The following ZNF107 variants were observed in gnomAD, a reference collection of about 807,000 sequenced individuals.
ZNF107 encodes zinc finger protein 107.
A neutral mutation model predicts 12.3 loss-of-function variants in ZNF107; 19 were observed. That is an observed-to-expected ratio of 1.55 (90% CI 1.08 to 2.27). The LOEUF (loss-of-function observed/expected upper bound fraction) is 2.27, where lower values mean the gene tolerates loss of function less well. ZNF107 is among the 30% of genes most tolerant of loss of function. The pLI is 0.00. For missense variants in ZNF107, 958 were observed against 979.9 expected (o/e 0.98, Z 0.30); for synonymous variants, 317 against 330.5 (o/e 0.96, Z 0.44).
chr7:64,691,857 T>TA lies in ZNF107; in HGVS notation c.131-4dup, dbSNP rs1451425310. 7.2e-7 allele frequency: 1 copy of TA among 1,395,338 alleles called. No individual in the cohort carries two copies. The highest frequency in any genetic ancestry group is 9.3e-7 in the Non-Finnish European group (1 of 1,070,550). The allele number at this position is 1,395,338 out of a possible 1,614,324, so 86.4% of individuals were successfully genotyped here. ...ATTCATGTTATATATTTATTTTCAA[T>TA]AAAACAGGTATTGCTGTCTCTAAGC... On this transcript the variant is annotated splice_polypyrimidine_tract_variant and splice_region_variant and intron_variant, in intron 2 of 3. Transcript: ENST00000620827.
In ZNF107 at chr7:64,708,047, A is replaced by G. The variant is rs1790740551; in HGVS notation, c.1950A>G (p.Lys650=). The change falls in exon 4 of 4, where the codon AAA becomes AAG. Residue 650 remains lysine, a synonymous_variant. Coordinates refer to ENST00000620827, the MANE Select transcript of ZNF107 (RefSeq NM_001282359.2). Reference sequence around the variant, plus strand: ...TTCATACTGGAGAGAACCTCTACAAATTTGAAGAACATGGAAAAGCTTTTA... The same window carrying G: ...TTCATACTGGAGAGAACCTCTACAAGTTTGAAGAACATGGAAAAGCTTTTA... ...KIIHTGENLY[K]FEEHGKAFNL... 2 of 1,613,614 alleles carry G rather than the reference A, an allele frequency of 1.2e-6. No homozygotes were observed. The highest frequency in any genetic ancestry group is 1.7e-6 in the Non-Finnish European group (2 of 1,179,722).
At chr7:64,667,936 T>C (rs1397874973) in intron 1 of ZNF107, among the ~76,000 whole-genome samples, 1 of 119,468 alleles carries the variant, frequency 8.4e-6, no homozygotes, top group Non-Finnish European at 1.7e-5. Flanking sequence ...AAAGAAAAAA[T>C]AGTATTCCAG....
intron 1 of ZNF107, among the ~76,000 whole-genome samples, chr7:64,680,890 A>G (rs897536439): frequency 6.6e-6 from 1 of 152,196 alleles, no homozygotes; most frequent in African/African-American, 2.4e-5. Flanking sequence ...AGCCACACCA[A>G]TGGCCTGTAG....
At chr7:64,703,980 C>A (rs745785199) in intron 3 of ZNF107, among the ~76,000 whole-genome samples, 3 of 151,482 alleles carry the variant, frequency 2.0e-5, no homozygotes, top group Non-Finnish European at 4.4e-5. Context: ...TTACATAAAA[C>A]CTCTACAAGA....
chr7:64,684,760 T>C, intron 1 of ZNF107: 1 of 978,596 alleles, frequency 1.0e-6, no homozygotes, highest in Non-Finnish European at 1.2e-6. Context: ...GTATAACTTC[T>C]TCCCAGATGA....
In ZNF107 at chr7:64,710,116, A is replaced by T. The variant is rs1376274144; in HGVS notation, c.*1460A>T. The stretch of plus-strand genomic sequence containing the variant: ...ACACTCCAGCCAAAGCAACAAGAGC[A>T]AAAACTTCGTCTCAAAAACAAAACA... On this transcript the variant is annotated 3_prime_UTR_variant, in exon 4 of 4. Transcript: ENST00000620827. The T allele has an allele frequency of 6.2e-6, 1 of 162,284 alleles. No individual in the cohort carries two copies. The highest frequency in any genetic ancestry group is 2.4e-5 in the African/African-American group (1 of 41,502). 10.1% of individuals were successfully genotyped at this position (162,284 alleles called of 1,614,324 possible). A position where few individuals can be genotyped will look rare whatever the true frequency, so the allele number is the denominator to read the frequency against.
At chr7:64,686,430 C>T in intron 1 of ZNF107, 1 of 811,840 alleles carries the variant, frequency 1.2e-6, no homozygotes, top group Non-Finnish European at 1.5e-6. Flanking sequence ...CTAACTGCCC[C>T]TCAATGTCAC....
In ZNF107 at chr7:64,707,860, C is replaced by G. The variant is rs1790729039; in HGVS notation, c.1763C>G (p.Thr588Ser). Residue 588 changes from threonine (T) to serine (S), a missense_variant, in exon 4 of 4, where the codon ACT becomes AGT. Thr to Ser is a moderately conservative substitution (Grantham distance 58, BLOSUM62 1). Transcript: ENST00000620827. ...CTTACTAGACATAAGATAGTTCATA[C>G]TAAAGAGAAACTCAACAAATGTGAA... is the stretch of plus-strand genomic sequence containing the variant. The part of the protein sequence containing the change: ...YQLTRHKIVH[T>S]KEKLNKCEEF... 1 of 1,613,544 alleles carries G rather than the reference C, an allele frequency of 6.2e-7. No individual in the cohort carries two copies. The highest frequency in any genetic ancestry group is 8.5e-7 in the Non-Finnish European group (1 of 1,179,758).
chr7:64,693,180 T>A (rs551874871), intron 3 of ZNF107, among the ~76,000 whole-genome samples: 1,549 of 147,264 alleles, frequency 0.011, 34 homozygotes, highest in African/African-American at 0.037. Flanking sequence ...TTTTTTTTTT[T>A]TTTTTTGTAT....
At chr7:64,692,733 T>C (rs1052163041) in intron 3 of ZNF107, among the ~76,000 whole-genome samples, 2 of 152,170 alleles carry the variant, frequency 1.3e-5, no homozygotes, top group African/African-American at 4.8e-5. Flanking sequence ...TTTAATTTGT[T>C]CTCAAGAATA....
intron 1 of ZNF107, among the ~76,000 whole-genome samples, chr7:64,672,742 A>G (rs543417142): frequency 6.6e-6 from 1 of 152,346 alleles, no homozygotes; most frequent in Admixed American, 6.5e-5. Context: ...ATAGTGCTGC[A>G]GTGAACATGC....
intron 1 of ZNF107, among the ~76,000 whole-genome samples, chr7:64,672,292 A>G (rs1376469646): frequency 6.6e-6 from 1 of 152,092 alleles, no homozygotes; most frequent in Non-Finnish European, 1.5e-5. Context: ...TTATGGCCAC[A>G]TGGTATTCCA....
At chr7:64,693,300 A>C (rs979328000) in intron 3 of ZNF107, among the ~76,000 whole-genome samples, 18 of 145,028 alleles carry the variant, frequency 1.2e-4, no homozygotes, top group African/African-American at 3.6e-4. Flanking sequence ...GGCGTGAGCC[A>C]CCACGCCTGG....
At chr7:64,691,497 A>AGAC in intron 2 of ZNF107, 123 bp downstream of exon 2, 1 of 916,236 alleles carries the variant, frequency 1.1e-6, no homozygotes. Context: ...TGTTTTCAAG[A>AGAC]AAATCCTTGA....
At chr7:64,697,783 C>T (rs893187183) in intron 3 of ZNF107, among the ~76,000 whole-genome samples, 3 of 151,800 alleles carry the variant, frequency 2.0e-5, no homozygotes, top group African/African-American at 4.8e-5. Flanking sequence ...CTCCGCCTCC[C>T]GGGTTCACGC....
chr7:64,707,162 C>G lies in ZNF107; in HGVS notation c.1065C>G (p.Asn355Lys). ...ECGRAFNISS[N>K]LNKQEKIHTG... ...GCAGAGCTTTTAACATATCCTCAAA[C>G]CTTAATAAACAGGAGAAAATTCATA... Residue 355 changes from asparagine (N) to lysine (K), a missense_variant, in exon 4 of 4, where the codon AAC becomes AAG. Asn to Lys is a moderately conservative substitution (Grantham distance 94). Coordinates refer to ENST00000620827, the MANE Select transcript of ZNF107 (RefSeq NM_001282359.2). 1 of 1,613,448 alleles carries G rather than the reference C, an allele frequency of 6.2e-7. No individual in the cohort carries two copies. The highest frequency in any genetic ancestry group is 8.5e-7 in the Non-Finnish European group (1 of 1,179,764).
intron 1 of ZNF107, among the ~76,000 whole-genome samples, chr7:64,681,359 T>C (rs1789665278): frequency 6.6e-6 from 1 of 152,052 alleles, no homozygotes; most frequent in South Asian, 2.1e-4. Context: ...AGACTCCACT[T>C]GTGTGTCAAC....
chr7:64,678,407 G>A (rs1789511236), intron 1 of ZNF107, among the ~76,000 whole-genome samples: 2 of 152,314 alleles, frequency 1.3e-5, no homozygotes, highest in Admixed American at 1.3e-4. Flanking sequence ...GAACAGTGGA[G>A]TATGTAGTTG....
At chr7:64,693,183 T>C (rs1260665883) in intron 3 of ZNF107, among the ~76,000 whole-genome samples, 2 of 148,334 alleles carry the variant, frequency 1.3e-5, no homozygotes, top group African/African-American at 2.5e-5. Context: ...TTTTTTTTTT[T>C]TTTGTATTTT....
Sources: gnomAD v4.1 joint callset for allele counts (sites outside exome capture counted in the v4.1 genomes callset) on GRCh38, gnomAD v4.1.1 for gene constraint, MANE v1.5 for transcripts, NCBI Gene and HGNC (gene_info 2026-07-23, HGNC 2026-07-21) for gene names.